The following WBP1L variants were observed in gnomAD, a reference collection of about 807,000 sequenced individuals.
WBP1L encodes WW domain binding protein 1 like.
WBP1L carries 17 observed loss-of-function variants against 33.7 expected under a neutral mutation model. The observed-to-expected ratio is 0.50, with a 90% CI of 0.34 to 0.76. The LOEUF (loss-of-function observed/expected upper bound fraction) is 0.76. Ranked by LOEUF, WBP1L falls within the 30% of genes least tolerant of loss-of-function variation. WBP1L has a pLI of 0.01. For synonymous variants in WBP1L, 173 were observed against 190.8 expected, an observed-to-expected ratio of 0.91 and a Z score of 0.77; for missense variants, 389 against 469.4, an observed-to-expected ratio of 0.83 and a Z score of 1.58.
In WBP1L at chr10:102,746,748, G is replaced by A. The variant is rs138653673; in HGVS notation, c.90+2605G>A. ...AGTCCAGCTAACTTTGAATTCAGGA[G>A]GACTTACTATACTCATTCTGTATCG... On this transcript the variant is annotated intron_variant, in intron 1 of 3. Coordinates refer to ENST00000448841, the MANE Select transcript of WBP1L (RefSeq NM_001083913.2). Among the ~76,000 whole-genome samples the A allele has an allele frequency of 3.8e-4, 58 of 152,194 alleles. 1 individual carries two copies. The highest frequency in any genetic ancestry group is 1.4e-3 in the African/African-American group (58 of 41,526).
At chr10:102,744,471 G>A (rs755653118) in intron 1 of WBP1L, 110 of 985,266 alleles carry the variant, frequency 1.1e-4, no homozygotes, top group Non-Finnish European at 1.2e-4. Context: ...CTGTGGAGCA[G>A]GTGTCCCAGG....
intron 1 of WBP1L, chr10:102,776,294 C>T (rs1843260856): frequency 6.2e-7 from 1 of 1,611,948 alleles, no homozygotes; most frequent in Non-Finnish European, 8.5e-7. Flanking sequence ...ACCAGGACCA[C>T]CGCACACACA....
In WBP1L at chr10:102,763,506, G is replaced by A. The variant is rs142146941; in HGVS notation, c.90+19363G>A. Among the ~76,000 whole-genome samples, 27 of 152,218 alleles carry A rather than the reference G, an allele frequency of 1.8e-4. No homozygotes were observed. The East Asian group carries it at 3.7e-3, about 21-fold the overall frequency. ...AAGGCTCAGAGAGATTAAGTCATTC[G>A]CCCAGAGTAATGAGACTAGGTGCTA... On this transcript the variant is annotated intron_variant, in intron 1 of 3. Coordinates refer to ENST00000448841, the MANE Select transcript of WBP1L (RefSeq NM_001083913.2).
rs188892643 is a variant in WBP1L, at chr10:102,794,977, G to T, written c.91-3016G>T. Among the ~76,000 whole-genome samples the T allele has an allele frequency of 9.9e-4, 150 of 152,220 alleles. 2 individuals are homozygous for T. The highest frequency in any genetic ancestry group is 3.5e-3 in the African/African-American group (146 of 41,524). On this transcript the variant is annotated intron_variant, in intron 1 of 3. Coordinates refer to ENST00000448841, the MANE Select transcript of WBP1L (RefSeq NM_001083913.2). ...GTTCCCATAACCAAGACTATCCCAG[G>T]CAGCTCAGGGACTCTGTATTTAGAG... is the stretch of plus-strand genomic sequence containing the variant.
At chr10:102,761,413 T>G (rs1418876885) in intron 1 of WBP1L, among the ~76,000 whole-genome samples, 1 of 152,006 alleles carries the variant, frequency 6.6e-6, no homozygotes, top group East Asian at 1.9e-4. Flanking sequence ...GTGCTGGGAT[T>G]ACAGGCGTGA....
rs1192088947 is a variant in WBP1L at position 102,768,371 on chromosome 10, G to GTTTTTTTTTTTTT, written c.90+24241_90+24253dup. On this transcript the variant is annotated intron_variant, in intron 1 of 3. Transcript: ENST00000448841. ...CCATTGCGCCTGGCATTAGTTTTTT[G>GTTTTTTTTTTTTT]TTTTTTTTTTTTTTTTTTTTTTTTT... Among the ~76,000 whole-genome samples, 15 of 12,226 alleles carry GTTTTTTTTTTTTT rather than the reference G, an allele frequency of 1.2e-3. 2 individuals are homozygous for GTTTTTTTTTTTTT. The highest frequency in any genetic ancestry group is 7.6e-3 in the East Asian group (1 of 132). 8.0% of individuals were successfully genotyped at this position (12,226 alleles called of 152,430 possible).
At chr10:102,786,623 A>G (rs573210428) in intron 1 of WBP1L, among the ~76,000 whole-genome samples, 10 of 152,296 alleles carry the variant, frequency 6.6e-5, no homozygotes, top group Middle Eastern at 3.4e-3. Context: ...AAATTCACTT[A>G]TTTATAAGAT....
At chr10:102,809,524 A>T (rs1181300523) in intron 2 of WBP1L, among the ~76,000 whole-genome samples, 1 of 150,858 alleles carries the variant, frequency 6.6e-6, no homozygotes, top group East Asian at 2.0e-4. Flanking sequence ...GGCGCCTGCC[A>T]CCATACCTGG....
rs1022025077 is a variant in WBP1L at position 102,813,468 on chromosome 10, T to C, written c.*137T>C. ...CTTTTTGTTTGTTTTCCTTCTCCTC[T>C]CCTGCATTTTCCTCCATCTCCAGGT... On this transcript the variant is annotated 3_prime_UTR_variant, in exon 4 of 4. Transcript: ENST00000448841. 6.8e-6 allele frequency: 8 copies of C among 1,177,108 alleles called. No homozygotes were observed. The highest frequency in any genetic ancestry group is 8.1e-6 in the Non-Finnish European group (7 of 863,662). The allele number at this position is 1,177,108 out of a possible 1,614,324, so 72.9% of individuals were successfully genotyped here. A position where few individuals can be genotyped will look rare whatever the true frequency, so the allele number is the denominator to read the frequency against.
chr10:102,744,218 G>A, intron 1 of WBP1L, 75 bp downstream of exon 1: 1 of 1,432,788 alleles, frequency 7.0e-7, no homozygotes, highest in Non-Finnish European at 9.3e-7. Flanking sequence ...GTCTGAAGGA[G>A]TGTTGTTGCC....
intron 2 of WBP1L, among the ~76,000 whole-genome samples, chr10:102,801,596 T>C (rs574815432): frequency 6.6e-6 from 1 of 152,210 alleles, no homozygotes; most frequent in South Asian, 2.1e-4. Context: ...CCTGTTCTCA[T>C]CCTGGGGCTC....
At chr10:102,783,413 GC>G (rs1720508335) in intron 1 of WBP1L, among the ~76,000 whole-genome samples, 2 of 152,192 alleles carry the variant, frequency 1.3e-5, no homozygotes, top group Admixed American at 6.5e-5. Flanking sequence ...ACTTGACTCA[GC>G]GGTCGCTAGG....
intron 1 of WBP1L, among the ~76,000 whole-genome samples, chr10:102,753,902 C>T (rs1483537616): frequency 6.6e-6 from 1 of 152,116 alleles, no homozygotes; most frequent in Non-Finnish European, 1.5e-5. Flanking sequence ...TGTTGTAACA[C>T]TTTTATTACA....
In WBP1L at chr10:102,809,657, C is replaced by T. The variant is rs112412385; in HGVS notation, c.194-236C>T. Among the ~76,000 whole-genome samples, 398 of 152,326 alleles carry T rather than the reference C, an allele frequency of 2.6e-3. 2 individuals carry two copies. Among genetic ancestry groups the T allele is most frequent in the African/African-American group, 8.9e-3 (370 of 41,564 alleles). On this transcript the variant is annotated intron_variant, in intron 2 of 3. Coordinates refer to ENST00000448841, the MANE Select transcript of WBP1L (RefSeq NM_001083913.2). ...GATTACAGGCATGAGCCACCACGCC[C>T]GGCCTGTTGTCATCATTCTTACATT... is the stretch of plus-strand genomic sequence containing the variant.
In WBP1L at chr10:102,768,935, G is replaced by A. The variant is rs1354296496; in HGVS notation, c.90+24792G>A. ...GATCTCCTGACCTCGTGATCCACCTGCCTCAGCCTCCCAAAGTGCTGAGAT... is the reference window on the plus strand; with the variant it reads ...GATCTCCTGACCTCGTGATCCACCTACCTCAGCCTCCCAAAGTGCTGAGAT... On this transcript the variant is annotated intron_variant, in intron 1 of 3. Transcript: ENST00000448841. Among the ~76,000 whole-genome samples, 132 of 152,026 alleles carry A rather than the reference G, an allele frequency of 8.7e-4. 2 individuals carry two copies. Among genetic ancestry groups the A allele is most frequent in the Admixed American group, 8.7e-3 (132 of 15,260 alleles).
At chr10:102,808,790 A>C (rs1843781305) in intron 2 of WBP1L, among the ~76,000 whole-genome samples, 1 of 152,144 alleles carries the variant, frequency 6.6e-6, no homozygotes, top group Non-Finnish European at 1.5e-5. Context: ...TATCAGGAGA[A>C]TCATAAGACT....
At chr10:102,808,769 T>G (rs1843779304) in intron 2 of WBP1L, among the ~76,000 whole-genome samples, 1 of 152,218 alleles carries the variant, frequency 6.6e-6, no homozygotes, top group African/African-American at 2.4e-5. Context: ...AGCACCTGAT[T>G]TTTTTGATGC....
chr10:102,744,071 C>T lies in WBP1L; in HGVS notation c.18C>T (p.Leu6=). MERRR[L]LGGMALLLLQ... is the part of the protein sequence containing the mutation. The stretch of plus-strand genomic sequence containing the variant: ...GGAGGGGGATGGAGAGGAGAAGGCT[C>T]CTGGGTGGCATGGCGCTCCTGCTCC... The change falls in exon 1 of 4, where the codon CTC becomes CTT. Residue 6 remains leucine (L), a synonymous_variant. Coordinates refer to ENST00000448841, the MANE Select transcript of WBP1L (RefSeq NM_001083913.2). 1 of 1,552,100 alleles carries T rather than the reference C, an allele frequency of 6.4e-7. No homozygotes were observed. Among genetic ancestry groups the T allele is most frequent in the South Asian group, 1.2e-5 (1 of 84,040 alleles).
chr10:102,785,972 A>G (rs1259979075), intron 1 of WBP1L, among the ~76,000 whole-genome samples: 2 of 152,182 alleles, frequency 1.3e-5, no homozygotes, highest in South Asian at 2.1e-4. Context: ...TAATAAAACC[A>G]TGGGATATGT....
Sources: gnomAD v4.1 joint callset for allele counts (sites outside exome capture counted in the v4.1 genomes callset) on GRCh38, gnomAD v4.1.1 for gene constraint, MANE v1.5 for transcripts, NCBI Gene and HGNC (gene_info 2026-07-23, HGNC 2026-07-21) for gene names.